Variants in SCG5 observed in about 807,000 individuals in gnomAD.
SCG5 encodes secretogranin V.
Under a neutral mutation model 25.7 loss-of-function variants are expected in SCG5, and 18 were observed. That is an observed-to-expected ratio of 0.70 (90% CI 0.48 to 1.04). The LOEUF is 1.04. Among genes scored for constraint, SCG5 ranks in the 50% least tolerant of loss-of-function variants. SCG5 has a pLI of 0.00. For synonymous variants in SCG5, 101 were observed against 91.7 expected, an observed-to-expected ratio of 1.10 and a Z score of -0.58; for missense variants, 206 against 259.8, an observed-to-expected ratio of 0.79 and a Z score of 1.42.
chr15:32,696,422 A>C, intron 5 of SCG5, 92 bp from the exon 6 acceptor site: 10 of 944,738 alleles, frequency 1.1e-5, no homozygotes, highest in Non-Finnish European at 1.6e-5. Flanking sequence ...CGGCCCCAGA[A>C]ACGATTCTTG....
chr15:32,693,864 C>G (rs2054907902), intron 5 of SCG5, among the ~76,000 whole-genome samples: 1 of 152,188 alleles, frequency 6.6e-6, no homozygotes, highest in Non-Finnish European at 1.5e-5. Flanking sequence ...AATCCCAGCA[C>G]TTTGGGAGGC....
intron 2 of SCG5, among the ~76,000 whole-genome samples, chr15:32,650,483 ATCT>A (rs1184264292): frequency 6.6e-6 from 1 of 152,216 alleles, no homozygotes; most frequent in African/African-American, 2.4e-5. Context: ...AGCAGTAACC[ATCT>A]TCTCCCAAGC....
intron 2 of SCG5, among the ~76,000 whole-genome samples, chr15:32,659,166 A>T (rs972214748): frequency 9.3e-5 from 14 of 150,942 alleles, no homozygotes; most frequent in Middle Eastern, 3.5e-3. Context: ...ACAGAGCGAG[A>T]CTCTGTCTCA....
chr15:32,655,421 C>G (rs11638385), intron 2 of SCG5, among the ~76,000 whole-genome samples: 51,176 of 151,978 alleles, frequency 0.34, 9,233 homozygotes, highest in East Asian at 0.57. Flanking sequence ...TTTTCCTCCC[C>G]TTGTCCCCTT....
intron 2 of SCG5, among the ~76,000 whole-genome samples, chr15:32,649,212 A>G (rs887298704): frequency 3.3e-5 from 5 of 152,240 alleles, no homozygotes; most frequent in African/African-American, 9.6e-5. Flanking sequence ...TTCAGTAAAT[A>G]TTTGAGGAAT....
rs1339876700 is a variant in SCG5, at chr15:32,696,249, C to T, written c.544-265C>T. On this transcript the variant is annotated intron_variant, in intron 5 of 5. Transcript: ENST00000300175. ...TCTCCTGCCTCAGCCTCCCAAGTAGCTGGGACTACAGGCACCCACCACCAC... is the reference window on the plus strand; with the variant it reads ...TCTCCTGCCTCAGCCTCCCAAGTAGTTGGGACTACAGGCACCCACCACCAC... Among the ~76,000 whole-genome samples, 13 of 152,260 alleles carry T rather than the reference C, an allele frequency of 8.5e-5. No homozygotes were observed. In the East Asian group the frequency reaches 2.5e-3, roughly 29 times the overall value.
chr15:32,666,182 C>A (rs1439122795), intron 2 of SCG5, among the ~76,000 whole-genome samples: 1 of 152,178 alleles, frequency 6.6e-6, no homozygotes, highest in Non-Finnish European at 1.5e-5. Context: ...AAATACTGAA[C>A]ATGGCTGCCT....
At chr15:32,689,090 AATG>A (rs1260584991) in intron 4 of SCG5, among the ~76,000 whole-genome samples, 1 of 152,324 alleles carries the variant, frequency 6.6e-6, no homozygotes, top group East Asian at 1.9e-4. Context: ...CAGATTCAAT[AATG>A]ATGATAGCTG....
chr15:32,643,342 G>A (rs1260771551), intron 1 of SCG5, among the ~76,000 whole-genome samples: 2 of 152,196 alleles, frequency 1.3e-5, no homozygotes, highest in African/African-American at 4.8e-5. Flanking sequence ...TTCCAGCCTA[G>A]CTTTCTCAAG....
At chr15:32,663,000 G>T (rs1346504386) in intron 2 of SCG5, among the ~76,000 whole-genome samples, 1 of 139,150 alleles carries the variant, frequency 7.2e-6, no homozygotes, top group African/African-American at 2.7e-5. Flanking sequence ...TGTAGAGCGG[G>T]GAAGAGAAGA....
chr15:32,642,936 A>C (rs564045603), intron 1 of SCG5, among the ~76,000 whole-genome samples: 4 of 152,346 alleles, frequency 2.6e-5, no homozygotes, highest in African/African-American at 9.6e-5. Context: ...TCCGTTTTGC[A>C]GAGGAGGAAA....
intron 2 of SCG5, among the ~76,000 whole-genome samples, chr15:32,655,300 T>G (rs970704111): frequency 7.9e-5 from 12 of 151,252 alleles, no homozygotes; most frequent in Admixed American, 6.6e-5. Context: ...AGAGCGAGAC[T>G]CTGTCTGAAC....
chr15:32,686,004 A>G (rs145307854), intron 4 of SCG5, among the ~76,000 whole-genome samples: 2 of 152,026 alleles, frequency 1.3e-5, no homozygotes, highest in East Asian at 3.9e-4. Flanking sequence ...GACCACTTTT[A>G]TTTTTTTCAG....
intron 4 of SCG5, among the ~76,000 whole-genome samples, chr15:32,690,652 A>G (rs535436113): frequency 6.6e-6 from 1 of 152,338 alleles, no homozygotes; most frequent in East Asian, 1.9e-4. Context: ...GGTGGGGTAG[A>G]TTTTAATGAA....
intron 2 of SCG5, among the ~76,000 whole-genome samples, chr15:32,663,161 A>G (rs1353130333): frequency 6.7e-6 from 1 of 149,646 alleles, no homozygotes; most frequent in Non-Finnish European, 1.5e-5. Context: ...AGCTTTATTG[A>G]GATATAATTC....
At chr15:32,672,934 GA>G (rs2140555070) in intron 2 of SCG5, 1 of 121,174 alleles carries the variant, frequency 8.3e-6, no homozygotes, top group African/African-American at 3.5e-5. Flanking sequence ...AAAAAAAAAA[GA>G]GACAGAGTGA....
chr15:32,679,704 A>G, intron 2 of SCG5, 62 bp from the exon 3 acceptor site: 1 of 1,568,980 alleles, frequency 6.4e-7, no homozygotes, highest in Non-Finnish European at 8.8e-7. Context: ...ATATGCCTGA[A>G]TAAATATTGG....
At chr15:32,693,091 T>A (rs1429254913) in intron 5 of SCG5, among the ~76,000 whole-genome samples, 6 of 152,210 alleles carry the variant, frequency 3.9e-5, no homozygotes, top group Admixed American at 3.9e-4. Context: ...AAAATACACA[T>A]AATTTACCAG....
intron 5 of SCG5, among the ~76,000 whole-genome samples, chr15:32,695,727 C>T (rs1233517992): frequency 6.6e-6 from 1 of 152,012 alleles, no homozygotes; most frequent in Non-Finnish European, 1.5e-5. Context: ...ATGTTAATTC[C>T]CACTTGGCCC....
Sources: gnomAD v4.1 joint callset for allele counts (sites outside exome capture counted in the v4.1 genomes callset) on GRCh38, gnomAD v4.1.1 for gene constraint, MANE v1.5 for transcripts, NCBI Gene and HGNC (gene_info 2026-07-23, HGNC 2026-07-21) for gene names.